The following ITPR1 variants were observed in gnomAD, a reference collection of about 807,000 sequenced individuals.
The protein encoded by ITPR1 is inositol 1,4,5-trisphosphate-gated calcium channel ITPR1.
ITPR1 carries 96 observed loss-of-function variants against 318.4 expected under a neutral mutation model. The ratio of observed to expected loss-of-function variants is 0.30; its 90% confidence interval spans 0.26 to 0.36. ITPR1 has a LOEUF of 0.36. ITPR1 is among the 10% of genes least tolerant of loss of function. The probability of loss-of-function intolerance (pLI) is 1.00; values close to 1 mark genes in which losing one functional copy is unlikely to be tolerated. For synonymous variants in ITPR1, 1,312 were observed against 1,289.9 expected, an observed-to-expected ratio of 1.02 and a Z score of -0.37; for missense variants, 2,440 against 3,460.2, an observed-to-expected ratio of 0.71 and a Z score of 7.40.
chr3:4,618,806 C>T (rs1181489251), intron 4 of ITPR1, among the ~76,000 whole-genome samples: 1 of 152,198 alleles, frequency 6.6e-6, no homozygotes, highest in East Asian at 1.9e-4. Context: ...TTCTTTCTCA[C>T]ATCTGTCTGT....
At position 4,662,228 on chromosome 3, in the gene ITPR1, C is replaced by A; in HGVS notation, c.1398C>A (p.Thr466=). ...GGAAGCTAGAGAAGGGCACCATCAC[C>A]CAGAATGAAAGGAGGTGAGCACTCC... is the stretch of plus-strand genomic sequence containing the variant. ...IAGKLEKGTI[T]QNERRSVTKL... Residue 466 remains threonine (T), a synonymous_variant, in exon 15 of 62, where the codon ACC becomes ACA. Coordinates refer to ENST00000649015, the MANE Select transcript of ITPR1 (RefSeq NM_001378452.1). The A allele has an allele frequency of 6.2e-7, 1 of 1,609,008 alleles. No homozygotes were observed.
chr3:4,581,569 A>AC (rs1209219797), intron 4 of ITPR1, among the ~76,000 whole-genome samples: 2 of 152,154 alleles, frequency 1.3e-5, no homozygotes, highest in African/African-American at 4.8e-5. Context: ...AGCAACACCC[A>AC]CCCCATTACA....
intron 53 of ITPR1, among the ~76,000 whole-genome samples, chr3:4,796,077 G>T (rs1455989923): frequency 1.3e-5 from 2 of 152,156 alleles, no homozygotes; most frequent in African/African-American, 4.8e-5. Flanking sequence ...TAAGTTTCAG[G>T]CTCCACTCTT....
chr3:4,799,682 C>T (rs975211438), intron 53 of ITPR1: 6 of 151,950 alleles, frequency 3.9e-5, no homozygotes, highest in South Asian at 2.1e-4. Context: ...TATTTTTAGC[C>T]GTGTTGGCTC....
intron 4 of ITPR1, among the ~76,000 whole-genome samples, chr3:4,559,309 C>A (rs184021396): frequency 1.3e-5 from 2 of 152,050 alleles, no homozygotes; most frequent in South Asian, 2.1e-4. Flanking sequence ...CATTGACTTA[C>A]TGAATAATAT....
At chr3:4,633,323 G>T (rs993013263) in intron 5 of ITPR1, among the ~76,000 whole-genome samples, 1 of 152,102 alleles carries the variant, frequency 6.6e-6, no homozygotes, top group South Asian at 2.1e-4. Context: ...GTGTCTTAAA[G>T]TTATCTACAT....
chr3:4,586,832 G>T (rs941348854), intron 4 of ITPR1, among the ~76,000 whole-genome samples: 1 of 151,764 alleles, frequency 6.6e-6, no homozygotes, highest in Non-Finnish European at 1.5e-5. Context: ...CTTGCATGAG[G>T]CCAGATCTTT....
At chr3:4,581,221 A>G (rs76407471) in intron 4 of ITPR1, among the ~76,000 whole-genome samples, 2,057 of 152,276 alleles carry the variant, frequency 0.014, 43 homozygotes, top group African/African-American at 0.047. Flanking sequence ...AGGGTAGAGG[A>G]GGACCAGGCA....
chr3:4,664,050 C>T (rs925695351), intron 16 of ITPR1, among the ~76,000 whole-genome samples: 1 of 152,114 alleles, frequency 6.6e-6, no homozygotes, highest in Non-Finnish European at 1.5e-5. Context: ...TGTTAGGAAC[C>T]TCAAGAAACA....
chr3:4,632,483 T>C (rs1257541706), intron 5 of ITPR1, among the ~76,000 whole-genome samples: 1 of 152,192 alleles, frequency 6.6e-6, no homozygotes, highest in Non-Finnish European at 1.5e-5. Context: ...TCTACTTCCC[T>C]ACTGTCACTG....
chr3:4,827,325 G>A (rs2050146237), intron 60 of ITPR1, among the ~76,000 whole-genome samples: 2 of 152,112 alleles, frequency 1.3e-5, no homozygotes, highest in South Asian at 4.1e-4. Context: ...TGGTAGAGCT[G>A]GACTATAGTA....
At chr3:4,564,849 A>T (rs911656516) in intron 4 of ITPR1, among the ~76,000 whole-genome samples, 6 of 152,192 alleles carry the variant, frequency 3.9e-5, no homozygotes, top group East Asian at 3.8e-4. Flanking sequence ...ACAGGAGTTT[A>T]AAAAAGGGGT....
chr3:4,614,877 A>G (rs60558681), intron 4 of ITPR1, among the ~76,000 whole-genome samples: 3,220 of 152,274 alleles, frequency 0.021, 111 homozygotes, highest in African/African-American at 0.073. Context: ...TTCTTGGGTG[A>G]TGGTGAAAGC....
At chr3:4,647,671 G>A (rs1341782924) in intron 10 of ITPR1, among the ~76,000 whole-genome samples, 1 of 152,124 alleles carries the variant, frequency 6.6e-6, no homozygotes, top group Non-Finnish European at 1.5e-5. Flanking sequence ...ATGTGGGTTG[G>A]ATTTGCATCC....
rs1404226583 is a variant in ITPR1 at position 4,516,904 on chromosome 3, A to G, written c.92+321A>G. 2.0e-5 allele frequency among the ~76,000 whole-genome samples: 3 copies of G among 152,224 alleles called. No homozygotes were observed. The East Asian group carries it at 5.8e-4, about 29-fold the overall frequency. ...ATACAGTTTAAATGGAATAAAGTGT[A>G]AAGATGAATATTTGCAGAGCCCAAA... On this transcript the variant is annotated intron_variant, in intron 3 of 61. Transcript: ENST00000649015.
At chr3:4,686,401 G>A (rs1436119282) in intron 30 of ITPR1, among the ~76,000 whole-genome samples, 4 of 152,192 alleles carry the variant, frequency 2.6e-5, no homozygotes, top group Non-Finnish European at 5.9e-5. Context: ...ATACAGGTGT[G>A]CATTATCATC....
intron 44 of ITPR1, chr3:4,750,767 T>C (rs2044445308): frequency 6.6e-6 from 1 of 152,224 alleles, no homozygotes; most frequent in Non-Finnish European, 1.5e-5. Flanking sequence ...ATCTGTAAGC[T>C]TCCTTGTTTC....
chr3:4,657,211 G>C (rs2093729843), intron 12 of ITPR1, among the ~76,000 whole-genome samples: 1 of 152,092 alleles, frequency 6.6e-6, no homozygotes, highest in Non-Finnish European at 1.5e-5. Flanking sequence ...TGCTGCTTAC[G>C]AACACTTGGA....
At chr3:4,719,781 C>A (rs1279297177) in intron 40 of ITPR1, among the ~76,000 whole-genome samples, 1 of 152,156 alleles carries the variant, frequency 6.6e-6, no homozygotes, top group Non-Finnish European at 1.5e-5. Flanking sequence ...GGTATGGGGT[C>A]TTCCCCGCTG....
Sources: gnomAD v4.1 joint callset for allele counts (sites outside exome capture counted in the v4.1 genomes callset) on GRCh38, gnomAD v4.1.1 for gene constraint, MANE v1.5 for transcripts, NCBI Gene and HGNC (gene_info 2026-07-23, HGNC 2026-07-21) for gene names.